Variants in ROBO2 observed in about 807,000 individuals in gnomAD.
ROBO2 encodes the protein roundabout guidance receptor 2, also known as roundabout homolog 2.
A neutral mutation model predicts 160.8 loss-of-function variants in ROBO2; 53 were observed. That is an observed-to-expected ratio of 0.33 (90% CI 0.26 to 0.41). The LOEUF (loss-of-function observed/expected upper bound fraction) is 0.41. Among genes scored for constraint, ROBO2 ranks in the 10% least tolerant of loss-of-function variants. ROBO2 has a pLI of 1.00. For synonymous variants in ROBO2, 664 were observed against 611.7 expected, an observed-to-expected ratio of 1.09 and a Z score of -1.26; for missense variants, 1,577 against 1,722.4, an observed-to-expected ratio of 0.92 and a Z score of 1.49.
intron 2 of ROBO2, among the ~76,000 whole-genome samples, chr3:75,942,478 A>G (rs1329161828): frequency 2.0e-5 from 3 of 152,162 alleles, no homozygotes; most frequent in Non-Finnish European, 4.4e-5. Flanking sequence ...ATTGTGGTAG[A>G]CAATAATTTG....
intron 2 of ROBO2, among the ~76,000 whole-genome samples, chr3:76,912,750 G>A (rs1399339705): frequency 6.6e-6 from 1 of 152,000 alleles, no homozygotes; most frequent in Non-Finnish European, 1.5e-5. Context: ...TAAACTTAAC[G>A]TTAATTAGGC....
chr3:77,515,524 C>T (rs1343510338), intron 5 of ROBO2, among the ~76,000 whole-genome samples: 2 of 151,724 alleles, frequency 1.3e-5, no homozygotes, highest in African/African-American at 2.4e-5. Flanking sequence ...AACTTCAGTA[C>T]CCAGACCATG....
At chr3:77,598,523 ATG>A (rs2094360780) in intron 19 of ROBO2, among the ~76,000 whole-genome samples, 2 of 98,664 alleles carry the variant, frequency 2.0e-5, no homozygotes, top group African/African-American at 7.7e-5. Flanking sequence ...ATATATATAT[ATG>A]TGTATATATA....
chr3:76,064,728 A>C (rs1248887245), intron 2 of ROBO2, among the ~76,000 whole-genome samples: 1 of 152,202 alleles, frequency 6.6e-6, no homozygotes, highest in Non-Finnish European at 1.5e-5. Flanking sequence ...ACAATGTAGA[A>C]GCACAATAGA....
chr3:76,251,641 T>G (rs141370070), intron 2 of ROBO2, among the ~76,000 whole-genome samples: 1 of 151,982 alleles, frequency 6.6e-6, no homozygotes, highest in Non-Finnish European at 1.5e-5. Flanking sequence ...TCTTTTGGAG[T>G]TGCTTATGTA....
intron 23 of ROBO2, among the ~76,000 whole-genome samples, chr3:77,627,283 T>C (rs747621539): frequency 1.5e-4 from 23 of 152,094 alleles, no homozygotes; most frequent in Non-Finnish European, 5.9e-5. Context: ...CTTTTCTTTC[T>C]TTCTTTTTTT....
At position 76,782,601 on chromosome 3, in the gene ROBO2, A is replaced by G. The variant is rs140340563; in HGVS notation, c.110-315413A>G. 4.5e-3 allele frequency among the ~76,000 whole-genome samples: 676 copies of G among 150,874 alleles called. 5 individuals are homozygous for G. The highest frequency in any genetic ancestry group is 0.016 in the African/African-American group (647 of 41,374). On this transcript the variant is annotated intron_variant, in intron 2 of 26. Coordinates refer to the ROBO2 transcript ENST00000487694. ...TATTTATAATGGTAATGTCCATTTG[A>G]TAAACTCATGACTTTGTTCTTTTGT... is the stretch of plus-strand genomic sequence containing the variant.
intron 7 of ROBO2, among the ~76,000 whole-genome samples, chr3:77,550,100 T>C (rs974670218): frequency 3.3e-5 from 5 of 152,044 alleles, no homozygotes; most frequent in African/African-American, 9.7e-5. Context: ...TATATGTATA[T>C]ATGAGATATA....
chr3:76,668,886 G>C (rs534690474), intron 2 of ROBO2, among the ~76,000 whole-genome samples: 1 of 152,244 alleles, frequency 6.6e-6, no homozygotes, highest in South Asian at 2.1e-4. Flanking sequence ...TGCAGCGGTT[G>C]GGGTGGTTTC....
At chr3:76,733,422 G>A (rs963373174) in intron 2 of ROBO2, among the ~76,000 whole-genome samples, 42 of 152,144 alleles carry the variant, frequency 2.8e-4, no homozygotes, top group African/African-American at 1.0e-3. Context: ...ATTGTTCCCA[G>A]GCCAATTCAC....
At chr3:76,214,754 A>G (rs1384574933) in intron 2 of ROBO2, among the ~76,000 whole-genome samples, 2 of 152,174 alleles carry the variant, frequency 1.3e-5, no homozygotes, top group Non-Finnish European at 2.9e-5. Flanking sequence ...CAGACAAACA[A>G]AAGACAGCAA....
At chr3:75,922,697 A>C (rs939779456) in intron 1 of ROBO2, among the ~76,000 whole-genome samples, 16 of 152,070 alleles carry the variant, frequency 1.1e-4, no homozygotes, top group African/African-American at 3.6e-4. Flanking sequence ...TTATATTATT[A>C]ATTTTATCCA....
intron 2 of ROBO2, among the ~76,000 whole-genome samples, chr3:76,418,484 C>T (rs898775570): frequency 6.6e-6 from 1 of 152,142 alleles, no homozygotes; most frequent in African/African-American, 2.4e-5. Context: ...CATGATCCAC[C>T]CGCCTCGGCC....
At chr3:77,308,042 A>T (rs951710464) in intron 2 of ROBO2, among the ~76,000 whole-genome samples, 1 of 151,980 alleles carries the variant, frequency 6.6e-6, no homozygotes, top group Non-Finnish European at 1.5e-5. Context: ...CCTGAATTAT[A>T]TTAAAAATAT....
intron 2 of ROBO2, among the ~76,000 whole-genome samples, chr3:77,029,873 T>C (rs867393936): frequency 7.9e-5 from 12 of 152,214 alleles, no homozygotes; most frequent in Middle Eastern, 6.8e-3. Flanking sequence ...ATGAATAAGG[T>C]TTCTTTATTA....
intron 2 of ROBO2, among the ~76,000 whole-genome samples, chr3:76,978,223 A>AT (rs576851895): frequency 2.4e-4 from 36 of 152,326 alleles, no homozygotes; most frequent in Admixed American, 2.0e-3. Context: ...CAAGGCTCTG[A>AT]TTTACACTTC....
chr3:77,594,552 A>C (rs984179202), intron 17 of ROBO2, among the ~76,000 whole-genome samples: 4 of 152,204 alleles, frequency 2.6e-5, no homozygotes, highest in Non-Finnish European at 5.9e-5. Context: ...AGTATCAATT[A>C]TTTGAAAATT....
intron 2 of ROBO2, among the ~76,000 whole-genome samples, chr3:76,329,791 C>G (rs2073343241): frequency 6.6e-6 from 1 of 152,136 alleles, no homozygotes; most frequent in African/African-American, 2.4e-5. Flanking sequence ...ATTCCAGAGT[C>G]GGAGGAAAGA....
chr3:77,467,814 A>G (rs1389902208), intron 2 of ROBO2, among the ~76,000 whole-genome samples: 2 of 152,050 alleles, frequency 1.3e-5, no homozygotes, highest in Non-Finnish European at 2.9e-5. Context: ...ATATCTTCTA[A>G]TGCCCAAAGT....
Sources: allele counts gnomAD v4.1 joint callset (sites outside exome capture counted in the v4.1 genomes callset), GRCh38; gene constraint gnomAD v4.1.1; transcripts MANE v1.5; gene names NCBI Gene and HGNC (gene_info 2026-07-23, HGNC 2026-07-21).